RAB38: variants seen among roughly 807,000 people sequenced by gnomAD.
RAB38 encodes the protein ras-related protein Rab-38.
Under a neutral mutation model 18.4 loss-of-function variants are expected in RAB38, and 15 were observed. That is an observed-to-expected ratio of 0.82 (90% CI 0.55 to 1.26). RAB38 has a LOEUF of 1.26. Ranked by LOEUF, RAB38 falls within the 50% of genes most tolerant of loss-of-function variation. RAB38 has a pLI of 0.00. For missense variants in RAB38, 294 were observed against 267.4 expected (o/e 1.10, Z -0.69); for synonymous variants, 101 against 104.4 (o/e 0.97, Z 0.20).
At chr11:88,120,215 C>A (rs1591154748) in intron 2 of RAB38, among the ~76,000 whole-genome samples, 1 of 152,328 alleles carries the variant, frequency 6.6e-6, no homozygotes, top group South Asian at 2.1e-4. Context: ...GAGATGGGAG[C>A]TACTGCCCTC....
At chr11:88,056,806 T>C in the RAB38 span, among the ~76,000 whole-genome samples, 1 of 98,580 alleles carries the variant, frequency 1.0e-5, no homozygotes, top group Non-Finnish European at 2.4e-5. Context: ...TCCGTCTCAA[T>C]AAATAAATAA....
At chr11:88,126,364 G>A (rs1281649988) in intron 2 of RAB38, among the ~76,000 whole-genome samples, 2 of 152,178 alleles carry the variant, frequency 1.3e-5, no homozygotes, top group African/African-American at 4.8e-5. Context: ...GGAATACTAT[G>A]CAGCCATAAA....
chr11:87,816,699 T>C, the RAB38 span, among the ~76,000 whole-genome samples: 1 of 151,938 alleles, frequency 6.6e-6, no homozygotes, highest in East Asian at 1.9e-4. Context: ...TGTGTGTGTA[T>C]AGAGAGAGAA....
In RAB38 at chr11:88,149,800, C is replaced by A. The variant is rs745778831; in HGVS notation, c.358G>T (p.Val120Phe). 6.2e-7 allele frequency: 1 copy of A among 1,614,084 alleles called. No homozygotes were observed. Residue 120 changes from valine (V) to phenylalanine (F), a missense_variant, in exon 2 of 3, where the codon GTT (valine) becomes TTT (phenylalanine). Coordinates refer to ENST00000243662, the MANE Select transcript of RAB38 (RefSeq NM_022337.3). Reference sequence around the variant, plus strand: ...TTGTTGGCCAACAAAACCACTGAAACCGGTTTGCCATTAGGGAGACTTAAC... The same window carrying A: ...TTGTTGGCCAACAAAACCACTGAAAACGGTTTGCCATTAGGGAGACTTAAC... The part of the protein sequence containing the change: ...SKLSLPNGKP[V>F]SVVLLANKCD...
At position 88,148,399 on chromosome 11, in the gene RAB38, C is replaced by T. The variant is rs567650551; in HGVS notation, c.483+1276G>A. On this transcript the variant is annotated intron_variant, in intron 2 of 2. Transcript: ENST00000243662. ...TGTAATTTGGTGGTATTCTCAAATC[C>T]AGGTTTTCTTTCCTATCTATAGCCA... 1.2e-3 allele frequency among the ~76,000 whole-genome samples: 176 copies of T among 152,268 alleles called. 1 individual carries two copies. The highest frequency in any genetic ancestry group is 3.8e-4 in the Non-Finnish European group (26 of 68,030).
the RAB38 span, among the ~76,000 whole-genome samples, chr11:88,101,875 ACTG>A: frequency 6.6e-6 from 1 of 151,814 alleles, no homozygotes; most frequent in Non-Finnish European, 1.5e-5. Flanking sequence ...ACATATTTAT[ACTG>A]CTTTCCATAT....
the RAB38 span, among the ~76,000 whole-genome samples, chr11:87,868,415 A>T: frequency 6.6e-6 from 1 of 151,620 alleles, no homozygotes; most frequent in Non-Finnish European, 1.5e-5. Flanking sequence ...GTCAAGCCTG[A>T]AAAACCATGA....
At chr11:87,924,081 C>T in the RAB38 span, among the ~76,000 whole-genome samples, 1 of 151,802 alleles carries the variant, frequency 6.6e-6, no homozygotes, top group Non-Finnish European at 1.5e-5. Flanking sequence ...TGGCATTGTT[C>T]TAAGTTCTTT....
chr11:87,851,456 T>C, the RAB38 span, among the ~76,000 whole-genome samples: 1 of 152,234 alleles, frequency 6.6e-6, no homozygotes, highest in East Asian at 1.9e-4. Context: ...AGAATGGCAT[T>C]TCATGCCTAA....
At position 88,114,886 on chromosome 11, in the gene RAB38, C is replaced by T. The variant is rs147720183; in HGVS notation, c.484-746G>A. On this transcript the variant is annotated intron_variant, in intron 2 of 2. Coordinates refer to ENST00000243662, the MANE Select transcript of RAB38 (RefSeq NM_022337.3). ...GAATGATGATCTTTGCTATTTTAACCCACTGAGATTTGAGGTTATTACCCC... is the reference window on the plus strand; with the variant it reads ...GAATGATGATCTTTGCTATTTTAACTCACTGAGATTTGAGGTTATTACCCC... 6.1e-3 allele frequency among the ~76,000 whole-genome samples: 927 copies of T among 152,222 alleles called. 10 individuals carry two copies. The highest frequency in any genetic ancestry group is 0.021 in the African/African-American group (881 of 41,510).
At chr11:87,977,535 TATC>T in the RAB38 span, among the ~76,000 whole-genome samples, 3 of 117,412 alleles carry the variant, frequency 2.6e-5, no homozygotes, top group South Asian at 2.5e-4. Context: ...AATATAATTA[TATC>T]ATTATTATAT....
At chr11:88,071,767 G>T in the RAB38 span, among the ~76,000 whole-genome samples, 18 of 152,298 alleles carry the variant, frequency 1.2e-4, no homozygotes, top group Non-Finnish European at 2.5e-4. Context: ...ATACACAAAT[G>T]CAGCAACTGA....
At chr11:88,040,276 T>C in the RAB38 span, among the ~76,000 whole-genome samples, 5 of 152,310 alleles carry the variant, frequency 3.3e-5, no homozygotes, top group East Asian at 9.7e-4. Context: ...TCTCCTTCAC[T>C]TGTAGATGGC....
the RAB38 span, among the ~76,000 whole-genome samples, chr11:87,937,866 A>T: frequency 1.3e-5 from 1 of 78,310 alleles, no homozygotes; most frequent in Non-Finnish European, 2.7e-5. Context: ...TTGCTCATTG[A>T]AGTGTTTTTT....
the RAB38 span, among the ~76,000 whole-genome samples, chr11:87,862,966 T>C: frequency 6.6e-6 from 1 of 152,032 alleles, no homozygotes; most frequent in South Asian, 2.1e-4. Context: ...AATTTAGTAA[T>C]TCATTTATAT....
the RAB38 span, among the ~76,000 whole-genome samples, chr11:87,891,789 AATACAGGTCTTGCCCTCC>A: frequency 6.6e-6 from 1 of 151,862 alleles, no homozygotes; most frequent in Non-Finnish European, 1.5e-5. Flanking sequence ...AAACAGAAAG[AATACAGGTCTTGCCCTCC>A]AGGAGCTTTG....
chr11:87,860,192 C>T, the RAB38 span, among the ~76,000 whole-genome samples: 9 of 151,980 alleles, frequency 5.9e-5, no homozygotes, highest in Middle Eastern at 3.4e-3. Flanking sequence ...GGATGTTCAT[C>T]ATATAATTAT....
the RAB38 span, among the ~76,000 whole-genome samples, chr11:87,852,667 T>C: frequency 1.3e-5 from 2 of 152,182 alleles, no homozygotes; most frequent in African/African-American, 4.8e-5. Flanking sequence ...TTAAGTATCA[T>C]TTATATCTTC....
the RAB38 span, among the ~76,000 whole-genome samples, chr11:88,006,600 TATACACATTATATATATGTATATATA>T: frequency 2.3e-4 from 31 of 134,682 alleles, no homozygotes; most frequent in Middle Eastern, 3.6e-3. Flanking sequence ...ATATAATATA[TATACACATTATATATATGTATATATA>T]ATATATATAT....
Sources: allele counts gnomAD v4.1 joint callset (sites outside exome capture counted in the v4.1 genomes callset), GRCh38; gene constraint gnomAD v4.1.1; transcripts MANE v1.5; gene names NCBI Gene and HGNC (gene_info 2026-07-23, HGNC 2026-07-21).